PTPRZ1: variants seen among roughly 807,000 people sequenced by gnomAD.
PTPRZ1 encodes the protein receptor-type tyrosine-protein phosphatase zeta.
In PTPRZ1, 82 loss-of-function variants were observed where a neutral mutation model predicts 214.1. The ratio of observed to expected loss-of-function variants is 0.38; its 90% confidence interval spans 0.32 to 0.46. PTPRZ1 has a LOEUF of 0.46. Ranked by LOEUF, PTPRZ1 falls within the 20% of genes least tolerant of loss-of-function variation. PTPRZ1 has a pLI of 1.00. For synonymous variants in PTPRZ1, 945 were observed against 987.9 expected, an observed-to-expected ratio of 0.96 and a Z score of 0.81; for missense variants, 2,603 against 2,748.7, an observed-to-expected ratio of 0.95 and a Z score of 1.19.
At chr7:121,958,579 A>G (rs963357074) in intron 2 of PTPRZ1, among the ~76,000 whole-genome samples, 3 of 152,198 alleles carry the variant, frequency 2.0e-5, no homozygotes, top group Non-Finnish European at 2.9e-5. Context: ...TCCCCAGACC[A>G]GTGCCTCCCA....
intron 2 of PTPRZ1, among the ~76,000 whole-genome samples, chr7:121,967,236 TC>T (rs1428411021): frequency 6.6e-6 from 1 of 152,170 alleles, no homozygotes; most frequent in Non-Finnish European, 1.5e-5. Flanking sequence ...TAAGCAAAAA[TC>T]TTTATAGAAA....
chr7:122,059,551 A>G (rs535505272), intron 28 of PTPRZ1: 2 of 549,968 alleles, frequency 3.6e-6, no homozygotes, highest in East Asian at 5.9e-5. Flanking sequence ...TCTGTAAAGT[A>G]TTCCACTATT....
chr7:121,935,220 T>A (rs958317606), intron 2 of PTPRZ1, among the ~76,000 whole-genome samples: 1 of 152,230 alleles, frequency 6.6e-6, no homozygotes, highest in Admixed American at 6.5e-5. Flanking sequence ...AATCATTGTT[T>A]ATTTTCTCTG....
At chr7:122,040,187 A>C (rs965352051) in intron 20 of PTPRZ1, among the ~76,000 whole-genome samples, 2 of 152,126 alleles carry the variant, frequency 1.3e-5, no homozygotes, top group Non-Finnish European at 2.9e-5. Context: ...CCCAATATTC[A>C]ACTAAAAAGA....
chr7:121,889,664 T>G (rs561811568), intron 1 of PTPRZ1, among the ~76,000 whole-genome samples: 1 of 152,278 alleles, frequency 6.6e-6, no homozygotes, highest in Admixed American at 6.5e-5. Context: ...GCTAAACTTT[T>G]GGGAAGAGTT....
chr7:121,975,449 C>T (rs1797400485), intron 4 of PTPRZ1, among the ~76,000 whole-genome samples: 1 of 152,164 alleles, frequency 6.6e-6, no homozygotes, highest in Non-Finnish European at 1.5e-5. Flanking sequence ...GAAATCCTGT[C>T]TCTGAAAAGG....
At chr7:121,935,550 TTGTTTG>T (rs1796060565) in intron 2 of PTPRZ1, among the ~76,000 whole-genome samples, 4 of 63,190 alleles carry the variant, frequency 6.3e-5, no homozygotes, top group African/African-American at 4.2e-4. Context: ...TTTTTTTTGT[TTGTTTG>T]TTTGTTTGTT....
intron 2 of PTPRZ1, among the ~76,000 whole-genome samples, chr7:121,951,951 A>ATTTTTTTTTTTTTTTTTTTTTT (rs1273271925): frequency 2.0e-5 from 1 of 50,506 alleles, no homozygotes; most frequent in Non-Finnish European, 5.1e-5. Context: ...ATGCGAGTGT[A>ATTTTTTTTTTTTTTTTTTTTTT]TTTATTTATT....
At chr7:121,903,224 A>C (rs1795021835) in intron 1 of PTPRZ1, among the ~76,000 whole-genome samples, 1 of 152,184 alleles carries the variant, frequency 6.6e-6, no homozygotes, top group Non-Finnish European at 1.5e-5. Flanking sequence ...GTACCATGTA[A>C]CATTGTGATT....
At position 122,012,795 on chromosome 7, in the gene PTPRZ1, C is replaced by G. The variant is rs139339102; in HGVS notation, c.3749C>G (p.Ser1250Cys). Residue 1250 changes from serine (S) to cysteine (C), a missense_variant, in exon 12 of 30, where the codon TCT becomes TGT. Ser to Cys is a moderately radical substitution (Grantham distance 112). Transcript: ENST00000393386. The part of the protein sequence containing the change: ...SVPVFDVSPT[S>C]HMHSASLQGL... ...CCAGTTTTTGATGTGTCGCCTACTT[C>G]TCATATGCACTCTGCTTCACTTCAA... 127 of 1,611,128 alleles carry G rather than the reference C, an allele frequency of 7.9e-5. No individual in the cohort carries two copies. Among genetic ancestry groups the G allele is most frequent in the Non-Finnish European group, 9.8e-5 (115 of 1,177,450 alleles).
intron 2 of PTPRZ1, among the ~76,000 whole-genome samples, chr7:121,944,577 T>C (rs1796317951): frequency 6.6e-6 from 1 of 152,162 alleles, no homozygotes; most frequent in South Asian, 2.1e-4. Flanking sequence ...CTCATGTAAT[T>C]GTCACTTTTC....
At chr7:122,003,986 A>G (rs549043578) in intron 10 of PTPRZ1, among the ~76,000 whole-genome samples, 11 of 152,292 alleles carry the variant, frequency 7.2e-5, no homozygotes, top group Non-Finnish European at 1.2e-4. Context: ...GGGAGAATGC[A>G]CAAGATTCAC....
rs538990548 is a variant in PTPRZ1 at position 122,005,111 on chromosome 7, C to T, written c.1287+451C>T. On this transcript the variant is annotated intron_variant, in intron 11 of 29. Coordinates refer to ENST00000393386, the MANE Select transcript of PTPRZ1 (RefSeq NM_002851.3). ...ATAAATTGTATATATATTTTTTGCC[C>T]ATTTAAATTGTTTATTATTTAAGTT... is the stretch of plus-strand genomic sequence containing the variant. 6.7e-4 allele frequency among the ~76,000 whole-genome samples: 102 copies of T among 151,688 alleles called. 2 individuals are homozygous for T. In the South Asian group the frequency reaches 0.021, roughly 31 times the overall value.
intron 1 of PTPRZ1, among the ~76,000 whole-genome samples, chr7:121,876,338 A>C (rs908439159): frequency 6.6e-6 from 1 of 152,206 alleles, no homozygotes; most frequent in African/African-American, 2.4e-5. Flanking sequence ...AATTTCTTCC[A>C]ATTAATGAAG....
intron 12 of PTPRZ1, among the ~76,000 whole-genome samples, chr7:122,018,036 T>C (rs1026889814): frequency 6.6e-6 from 1 of 152,198 alleles, no homozygotes; most frequent in Non-Finnish European, 1.5e-5. Flanking sequence ...TAAATACATA[T>C]TTAAGTTAAG....
At chr7:122,053,878 G>A in intron 25 of PTPRZ1, 32 bp from the exon 26 acceptor site, 1 of 1,609,870 alleles carries the variant, frequency 6.2e-7, no homozygotes. Flanking sequence ...GCATACGCCA[G>A]TGCTGTTTTT....
At chr7:121,881,784 C>T (rs1327258381) in intron 1 of PTPRZ1, among the ~76,000 whole-genome samples, 1 of 152,130 alleles carries the variant, frequency 6.6e-6, no homozygotes, top group African/African-American at 2.4e-5. Context: ...TCAAGTCTAT[C>T]AGCTGGTAGG....
intron 1 of PTPRZ1, among the ~76,000 whole-genome samples, chr7:121,883,539 C>G (rs899952321): frequency 7.2e-5 from 11 of 152,166 alleles, no homozygotes; most frequent in African/African-American, 2.7e-4. Context: ...TTGCTTACAA[C>G]TTGTATTTTA....
chr7:121,985,139 C>T (rs186156039), intron 8 of PTPRZ1, among the ~76,000 whole-genome samples: 1 of 152,192 alleles, frequency 6.6e-6, no homozygotes, highest in Admixed American at 6.5e-5. Context: ...TTCAAGACAA[C>T]AGTGATGAAT....
Sources: gnomAD v4.1 joint callset for allele counts (sites outside exome capture counted in the v4.1 genomes callset) on GRCh38, gnomAD v4.1.1 for gene constraint, MANE v1.5 for transcripts, NCBI Gene and HGNC (gene_info 2026-07-23, HGNC 2026-07-21) for gene names.